Variants in LMX1A observed in about 807,000 individuals in gnomAD.
LMX1A encodes LIM homeobox transcription factor 1-alpha.
A neutral mutation model predicts 49.1 loss-of-function variants in LMX1A; 15 were observed. That is an observed-to-expected ratio of 0.31 (90% confidence interval 0.20 to 0.47). The LOEUF is 0.47. Ranked by LOEUF, LMX1A falls within the 20% of genes least tolerant of loss-of-function variation. The pLI is 1.00. For missense variants in LMX1A, 372 were observed against 475.8 expected, an observed-to-expected ratio of 0.78 and a Z score of 2.03; for synonymous variants, 167 against 185.7, an observed-to-expected ratio of 0.90 and a Z score of 0.82.
At chr1:165,310,421 C>G in intron 3 of LMX1A, among the ~76,000 whole-genome samples, 1 of 152,182 alleles carries the variant, frequency 6.6e-6, no homozygotes. Flanking sequence ...AGAAACTCAT[C>G]AGGTATAGTA....
intron 3 of LMX1A, among the ~76,000 whole-genome samples, chr1:165,291,321 T>C (rs1654459664): frequency 6.6e-6 from 1 of 152,160 alleles, no homozygotes; most frequent in East Asian, 1.9e-4. Context: ...ACCAAAGGCA[T>C]GTGAAGTGCT....
At position 165,203,897 on chromosome 1, in the gene LMX1A, A is replaced by G; in HGVS notation, c.1132T>C (p.Ser378Pro). The stretch of plus-strand genomic sequence containing the variant: ...GGGAAGACTCAAGATGTGAAGTAAG[A>G]ATTCTGCATGGAGTACAGATGGTCA... ...PIDHLYSMQNSYFTS is the reference protein window; with the variant it reads ...PIDHLYSMQNPYFTS The change falls in exon 9 of 9, where the codon TCT (serine) becomes CCT (proline). Residue 378 changes from serine to proline, a missense_variant. This residue lies in a region of LMX1A where 127 missense variants were observed against 138.0 expected (regional missense o/e 0.92). Transcript: ENST00000342310. 6.2e-7 allele frequency: 1 copy of G among 1,614,054 alleles called. No homozygotes were observed. The highest frequency in any genetic ancestry group is 1.1e-5 in the South Asian group (1 of 91,066).
In LMX1A at chr1:165,277,377, C is replaced by G. The variant is rs181106191; in HGVS notation, c.264-27737G>C. On this transcript the variant is annotated intron_variant, in intron 3 of 8. Coordinates refer to ENST00000342310, the MANE Select transcript of LMX1A (RefSeq NM_177398.4). ...AGGAGCGCCAGCTTCCAGAAGACATCTCTGCCAAATCCCCCCCTTGGGAAG... is the reference window on the plus strand; with the variant it reads ...AGGAGCGCCAGCTTCCAGAAGACATGTCTGCCAAATCCCCCCCTTGGGAAG... Among the ~76,000 whole-genome samples the G allele has an allele frequency of 3.9e-3, 592 of 152,322 alleles. 3 individuals are homozygous for G. Among genetic ancestry groups the G allele is most frequent in the African/African-American group, 0.013 (559 of 41,580 alleles).
intron 3 of LMX1A, among the ~76,000 whole-genome samples, chr1:165,250,976 T>G (rs2102639249): frequency 6.6e-6 from 1 of 152,156 alleles, no homozygotes; most frequent in Non-Finnish European, 1.5e-5. Context: ...CTCCACCAAG[T>G]TAGAGGCAGG....
intron 3 of LMX1A, among the ~76,000 whole-genome samples, chr1:165,291,933 G>A (rs78989175): frequency 0.053 from 8,093 of 151,968 alleles, 278 homozygotes; most frequent in East Asian, 0.12. Flanking sequence ...ATGGTGGCGC[G>A]CGCTTGTAGT....
chr1:165,278,670 T>C (rs1654044804), intron 3 of LMX1A, among the ~76,000 whole-genome samples: 1 of 152,142 alleles, frequency 6.6e-6, no homozygotes, highest in African/African-American at 2.4e-5. Flanking sequence ...TACCTCCTAG[T>C]TTGAGTGGCA....
intron 3 of LMX1A, among the ~76,000 whole-genome samples, chr1:165,279,520 G>A (rs968974764): frequency 2.6e-5 from 4 of 152,224 alleles, no homozygotes; most frequent in African/African-American, 9.6e-5. Context: ...GCCCTTGAGA[G>A]AGAAGGCTGG....
rs559001799 is a variant in LMX1A at position 165,203,373 on chromosome 1, A to C, written c.*507T>G. The stretch of plus-strand genomic sequence containing the variant: ...CTTAAGTGCATCAAGCATTTCCTTA[A>C]ATATAGTTCACACTGAAAATAAAGT... On this transcript the variant is annotated 3_prime_UTR_variant, in exon 9 of 9. Transcript: ENST00000342310. The C allele has an allele frequency of 1.3e-5, 2 of 152,920 alleles. No individual in the cohort carries two copies. The highest frequency in any genetic ancestry group is 1.5e-5 in the Non-Finnish European group (1 of 68,152). The allele number at this position is 152,920 out of a possible 1,614,324, so 9.5% of individuals were successfully genotyped here.
Position 165,203,943 on chromosome 1 carries a change from C to T in LMX1A, c.1086G>A (p.Gln362=). ...FLATSEAGPL[Q]SRVGNPIDHL... ...GGTCAATGGGGTTTCCCACTCTGGA[C>T]TGCAGAGGCCCAGCTTCTGAGGTTG... The change falls in exon 9 of 9, where the codon CAG becomes CAA. Residue 362 remains glutamine (Q), a synonymous_variant. Transcript: ENST00000342310. The T allele has an allele frequency of 1.2e-6, 2 of 1,614,138 alleles. No individual in the cohort carries two copies. The highest frequency in any genetic ancestry group is 1.7e-6 in the Non-Finnish European group (2 of 1,180,000).
chr1:165,240,583 A>G (rs1652613466), intron 4 of LMX1A, among the ~76,000 whole-genome samples: 2 of 152,212 alleles, frequency 1.3e-5, no homozygotes, highest in Admixed American at 1.3e-4. Flanking sequence ...GGGTGTCTGT[A>G]AGAAATATTT....
chr1:165,266,925 TTCTC>T (rs911901759), intron 3 of LMX1A, among the ~76,000 whole-genome samples: 1 of 150,448 alleles, frequency 6.6e-6, no homozygotes, highest in Non-Finnish European at 1.5e-5. Flanking sequence ...CTTGCTTGCT[TTCTC>T]TCTCTCTCTC....
At chr1:165,292,867 C>A (rs1242843720) in intron 3 of LMX1A, among the ~76,000 whole-genome samples, 2 of 152,056 alleles carry the variant, frequency 1.3e-5, no homozygotes, top group Non-Finnish European at 2.9e-5. Context: ...GCCTGTAATC[C>A]CAGCACTTTG....
At chr1:165,288,476 G>A (rs970480000) in intron 3 of LMX1A, among the ~76,000 whole-genome samples, 5 of 152,084 alleles carry the variant, frequency 3.3e-5, no homozygotes, top group Admixed American at 6.5e-5. Flanking sequence ...CCTCGGCAGC[G>A]GCTGCCACCG....
At chr1:165,276,432 T>C (rs1363887285) in intron 3 of LMX1A, among the ~76,000 whole-genome samples, 1 of 152,204 alleles carries the variant, frequency 6.6e-6, no homozygotes, top group Non-Finnish European at 1.5e-5. Context: ...CAGAAACATG[T>C]AGCTGTAAGT....
chr1:165,331,287 C>A (rs943966484), intron 3 of LMX1A, among the ~76,000 whole-genome samples: 2 of 152,106 alleles, frequency 1.3e-5, no homozygotes, highest in Admixed American at 1.3e-4. Context: ...GAAATACAAA[C>A]TATAAAAAAT....
At chr1:165,231,291 GTT>G (rs201850414) in intron 4 of LMX1A, among the ~76,000 whole-genome samples, 1 of 142,036 alleles carries the variant, frequency 7.0e-6, no homozygotes, top group Non-Finnish European at 1.6e-5. Flanking sequence ...AACTGGCTTA[GTT>G]TTTTTTTTTT....
intron 3 of LMX1A, among the ~76,000 whole-genome samples, chr1:165,288,524 C>T (rs951594425): frequency 6.6e-6 from 1 of 152,246 alleles, no homozygotes; most frequent in East Asian, 1.9e-4. Flanking sequence ...GCTAGAAAAA[C>T]CCCTCCTGGG....
At chr1:165,325,132 A>G (rs575276355) in intron 3 of LMX1A, among the ~76,000 whole-genome samples, 4 of 152,204 alleles carry the variant, frequency 2.6e-5, no homozygotes, top group African/African-American at 9.6e-5. Context: ...AACTCTACCT[A>G]CTAGATTCTT....
chr1:165,342,583 G>T (rs1656109211), intron 3 of LMX1A, among the ~76,000 whole-genome samples: 1 of 152,094 alleles, frequency 6.6e-6, no homozygotes, highest in South Asian at 2.1e-4. Flanking sequence ...GAAAGGATGG[G>T]CTAGGACAGC....
Sources: gnomAD v4.1 joint callset for allele counts (sites outside exome capture counted in the v4.1 genomes callset) on GRCh38, gnomAD v4.1.1 for gene constraint, gnomAD v4.1.1 regional missense constraint, MANE v1.5 for transcripts, NCBI Gene and HGNC (gene_info 2026-07-23, HGNC 2026-07-21) for gene names.